The following NDST3 variants were observed in gnomAD, a reference collection of about 807,000 sequenced individuals.
NDST3 encodes bifunctional heparan sulfate N-deacetylase/N-sulfotransferase 3.
A neutral mutation model predicts 96.1 loss-of-function variants in NDST3; 58 were observed. The ratio of observed to expected loss-of-function variants is 0.60; its 90% CI spans 0.49 to 0.75. The LOEUF is 0.75. Ranked by LOEUF, NDST3 falls within the 30% of genes least tolerant of loss-of-function variation. The probability of loss-of-function intolerance (pLI) is 0.00; values close to 1 mark genes in which losing one functional copy is unlikely to be tolerated. For synonymous variants in NDST3, 333 were observed against 359.7 expected (o/e 0.93, Z 0.84); for missense variants, 788 against 1,034.2 (o/e 0.76, Z 3.27).
Position 118,224,543 on chromosome 4 carries a change from T to C in NDST3, c.1592T>C (p.Leu531Ser), listed in dbSNP as rs749409894. ...AACTATGGGAATGACCGACTGGGATTATATACATTTGTTAATCTGGCCAAC... is the reference window on the plus strand; with the variant it reads ...AACTATGGGAATGACCGACTGGGATCATATACATTTGTTAATCTGGCCAAC... ...LSNYGNDRLGLYTFVNLANFV... is the reference protein window; with the variant it reads ...LSNYGNDRLGSYTFVNLANFV... Residue 531 changes from leucine to serine, a missense_variant, in exon 7 of 14, where the codon TTA becomes TCA. Around this residue, in one of 3 missense-constraint regions of NDST3, gnomAD observed 490 missense variants for 708.8 expected, o/e 0.69. Transcript: ENST00000296499. The C allele has an allele frequency of 6.2e-6, 10 of 1,612,398 alleles. No individual in the cohort carries two copies. In the East Asian group the frequency reaches 2.2e-4, roughly 36 times the overall value.
At chr4:118,227,005 T>C in intron 8 of NDST3, 23 bp downstream of exon 8, 2 of 1,506,358 alleles carry the variant, frequency 1.3e-6, no homozygotes, top group Non-Finnish European at 1.8e-6. Flanking sequence ...TATGTTATGA[T>C]TAACGAGTGT....
At chr4:118,224,205 T>G (rs1401251981) in intron 6 of NDST3, among the ~76,000 whole-genome samples, 3 of 152,152 alleles carry the variant, frequency 2.0e-5, no homozygotes, top group African/African-American at 7.2e-5. Flanking sequence ...TCAGTCTTAT[T>G]GCACCAACAT....
intron 2 of NDST3, among the ~76,000 whole-genome samples, chr4:118,095,343 G>A (rs1041460880): frequency 5.3e-5 from 8 of 151,836 alleles, no homozygotes; most frequent in Non-Finnish European, 1.0e-4. Flanking sequence ...ACCAAGTAAT[G>A]TAAGGATTTT....
At chr4:118,183,743 T>C (rs558039389) in intron 6 of NDST3, among the ~76,000 whole-genome samples, 1 of 152,378 alleles carries the variant, frequency 6.6e-6, no homozygotes, top group South Asian at 2.1e-4. Flanking sequence ...TATTGTCTTC[T>C]GGCCTCGGAT....
At chr4:118,136,028 A>G (rs1168983349) in intron 4 of NDST3, among the ~76,000 whole-genome samples, 2 of 152,266 alleles carry the variant, frequency 1.3e-5, no homozygotes, top group African/African-American at 4.8e-5. Flanking sequence ...CTTTCATGCC[A>G]TGTGGGTTCT....
intron 1 of NDST3, among the ~76,000 whole-genome samples, chr4:118,040,899 TTA>T (rs552772469): frequency 1.4e-5 from 2 of 144,952 alleles, no homozygotes; most frequent in Non-Finnish European, 3.0e-5. Context: ...ATATATATAT[TTA>T]TATATATATA....
At position 118,197,296 on chromosome 4, in the gene NDST3, G is replaced by A. The variant is rs775878973; in HGVS notation, c.1540-27195G>A. On this transcript the variant is annotated intron_variant, in intron 6 of 13. Coordinates refer to ENST00000296499, the MANE Select transcript of NDST3 (RefSeq NM_004784.3). ...CCTTCAGAATAATCTATATGCTGGG[G>A]AAAAGAATGTGTATTCTGCAGTCTT... Among the ~76,000 whole-genome samples, 19 of 140,538 alleles carry A rather than the reference G, an allele frequency of 1.4e-4. No homozygotes were observed. In the South Asian group the frequency reaches 2.4e-3, roughly 18 times the overall value. The allele number at this position is 140,538 out of a possible 152,430, so 92.2% of individuals were successfully genotyped here.
intron 2 of NDST3, among the ~76,000 whole-genome samples, chr4:118,065,253 C>T (rs2110475799): frequency 6.6e-6 from 1 of 152,270 alleles, no homozygotes; most frequent in East Asian, 1.9e-4. Context: ...CTCTGCTACT[C>T]TACTACTGTT....
At chr4:118,228,354 G>A (rs1740045857) in intron 8 of NDST3, among the ~76,000 whole-genome samples, 1 of 152,182 alleles carries the variant, frequency 6.6e-6, no homozygotes, top group South Asian at 2.1e-4. Context: ...ATAACATCCT[G>A]AAGGCTTGGT....
chr4:118,204,954 C>T (rs1738337308), intron 6 of NDST3, among the ~76,000 whole-genome samples: 1 of 144,404 alleles, frequency 6.9e-6, no homozygotes, highest in African/African-American at 2.6e-5. Context: ...TATTCACTCA[C>T]TCTATATCTG....
chr4:118,255,512 G>T, intron 13 of NDST3, 81 bp from the exon 14 acceptor site: 1 of 1,373,438 alleles, frequency 7.3e-7, no homozygotes, highest in Non-Finnish European at 1.0e-6. Flanking sequence ...GGTATACTTG[G>T]TACTTATTTC....
chr4:118,172,723 C>T lies in NDST3; in HGVS notation c.1539+29039C>T, dbSNP rs1015747456. Reference sequence around the variant, plus strand: ...AAGGATAAAGCACTGATTAAAAGTGCTAAGATGAGTTCTTAGCAAAGAATG... The same window carrying T: ...AAGGATAAAGCACTGATTAAAAGTGTTAAGATGAGTTCTTAGCAAAGAATG... On this transcript the variant is annotated intron_variant, in intron 6 of 13. Coordinates refer to ENST00000296499, the MANE Select transcript of NDST3 (RefSeq NM_004784.3). 2.6e-5 allele frequency among the ~76,000 whole-genome samples: 4 copies of T among 151,892 alleles called. No homozygotes were observed. The South Asian group carries it at 6.2e-4, about 24-fold the overall frequency.
intron 6 of NDST3, among the ~76,000 whole-genome samples, chr4:118,219,042 C>G (rs548339509): frequency 8.5e-5 from 13 of 152,156 alleles, no homozygotes; most frequent in African/African-American, 3.1e-4. Context: ...TCAGAGGGGA[C>G]ACCAGCAAAT....
chr4:118,081,929 C>T (rs755980783), intron 2 of NDST3, among the ~76,000 whole-genome samples: 4 of 152,094 alleles, frequency 2.6e-5, no homozygotes, highest in Non-Finnish European at 4.4e-5. Flanking sequence ...GAATCTAGTA[C>T]CAATGCTCAT....
At chr4:118,035,403 T>G (rs575706984) in intron 1 of NDST3, among the ~76,000 whole-genome samples, 2 of 151,216 alleles carry the variant, frequency 1.3e-5, no homozygotes, top group East Asian at 3.9e-4. Flanking sequence ...AATATTGAGA[T>G]GTGTGCAACT....
intron 1 of NDST3, among the ~76,000 whole-genome samples, chr4:118,052,491 T>C (rs1397040785): frequency 6.6e-6 from 1 of 152,006 alleles, no homozygotes; most frequent in African/African-American, 2.4e-5. Flanking sequence ...CATCCCACAG[T>C]ATCCCCAGGT....
intron 2 of NDST3, among the ~76,000 whole-genome samples, chr4:118,097,709 AC>A (rs1158538980): frequency 1.3e-5 from 2 of 152,026 alleles, no homozygotes; most frequent in African/African-American, 4.8e-5. Context: ...TTTTCTAATT[AC>A]TTTTTCCAAT....
At chr4:118,084,583 A>G (rs1728273158) in intron 2 of NDST3, among the ~76,000 whole-genome samples, 1 of 152,128 alleles carries the variant, frequency 6.6e-6, no homozygotes, top group African/African-American at 2.4e-5. Context: ...CTGTTCTGTC[A>G]TATGTTGGTT....
chr4:118,252,959 C>A (rs1741850710), intron 12 of NDST3, among the ~76,000 whole-genome samples: 1 of 151,616 alleles, frequency 6.6e-6, no homozygotes, highest in Non-Finnish European at 1.5e-5. Context: ...GAGCTCATAC[C>A]AAAAGAAGAA....
Sources: gnomAD v4.1 joint callset for allele counts (sites outside exome capture counted in the v4.1 genomes callset) on GRCh38, gnomAD v4.1.1 for gene constraint, gnomAD v4.1.1 regional missense constraint, MANE v1.5 for transcripts, NCBI Gene and HGNC (gene_info 2026-07-23, HGNC 2026-07-21) for gene names.